TCF7L2: variants seen among roughly 807,000 people sequenced by gnomAD.
TCF7L2 encodes transcription factor 7-like 2.
A neutral mutation model predicts 77.9 loss-of-function variants in TCF7L2; 23 were observed. The ratio of observed to expected loss-of-function variants is 0.30; its 90% CI spans 0.21 to 0.42. TCF7L2 has a LOEUF of 0.42. TCF7L2 is among the 10% of genes least tolerant of loss of function. The probability of loss-of-function intolerance (pLI) is 1.00; values close to 1 mark genes in which losing one functional copy is unlikely to be tolerated. For synonymous variants in TCF7L2, 413 were observed against 340.2 expected (o/e 1.21, Z -2.36); for missense variants, 654 against 793.1 (o/e 0.82, Z 2.11).
At chr10:113,053,204 G>C (rs2134623689) in intron 5 of TCF7L2, among the ~76,000 whole-genome samples, 1 of 152,310 alleles carries the variant, frequency 6.6e-6, no homozygotes, top group Non-Finnish European at 1.5e-5. Flanking sequence ...AGTGGGTAGA[G>C]AGGACATTTG....
chr10:113,122,354 G>T (rs1026247777), intron 5 of TCF7L2, among the ~76,000 whole-genome samples: 2 of 152,178 alleles, frequency 1.3e-5, no homozygotes, highest in African/African-American at 2.4e-5. Context: ...GAAGGAATTT[G>T]TAAAATTAAT....
At chr10:112,974,297 A>G (rs1450786058) in intron 4 of TCF7L2, among the ~76,000 whole-genome samples, 4 of 152,192 alleles carry the variant, frequency 2.6e-5, no homozygotes, top group Non-Finnish European at 5.9e-5. Context: ...GCTGGTGAGG[A>G]TACCAAGACA....
chr10:113,156,702 C>T (rs553926772), intron 11 of TCF7L2, among the ~76,000 whole-genome samples: 10 of 152,328 alleles, frequency 6.6e-5, no homozygotes, highest in Admixed American at 1.3e-4. Flanking sequence ...ATGAAAGACT[C>T]CATGCAGTTC....
intron 3 of TCF7L2, among the ~76,000 whole-genome samples, chr10:112,953,905 C>A (rs2032756976): frequency 6.6e-6 from 1 of 152,224 alleles, no homozygotes; most frequent in South Asian, 2.1e-4. Context: ...TTAGTACTTA[C>A]ATGTCAAACA....
At chr10:112,964,812 T>TGGTGGTGGTGGTGGTG (rs1564719427) in intron 4 of TCF7L2, among the ~76,000 whole-genome samples, 188 bp downstream of exon 4, 1 of 38,282 alleles carries the variant, frequency 2.6e-5, no homozygotes, top group African/African-American at 9.9e-5. Context: ...GTGGTGGTGG[T>TGGTGGTGGTGGTGGTG]GGGGGGGGGT....
At chr10:113,117,385 C>T (rs1318516876) in intron 5 of TCF7L2, among the ~76,000 whole-genome samples, 1 of 14,568 alleles carries the variant, frequency 6.9e-5, no homozygotes, top group East Asian at 6.6e-4. Context: ...CTCTCTCTCT[C>T]TCTCTCTCTC....
intron 4 of TCF7L2, chr10:112,987,930 T>TG (rs1295431701): frequency 1.4e-5 from 2 of 146,928 alleles, no homozygotes; most frequent in East Asian, 2.0e-4. Context: ...AATGCCTCAA[T>TG]GGGGGAAAAA....
intron 3 of TCF7L2, 50 bp downstream of exon 3, chr10:112,951,657 G>A (rs1161182981): frequency 2.2e-6 from 2 of 898,218 alleles, no homozygotes; most frequent in Non-Finnish European, 2.5e-6. Context: ...CGCCCGCGCC[G>A]CCCGCCGGGC....
At chr10:113,155,978 G>T (rs2071786086) in intron 11 of TCF7L2, among the ~76,000 whole-genome samples, 2 of 152,214 alleles carry the variant, frequency 1.3e-5, no homozygotes, top group African/African-American at 4.8e-5. Context: ...AGTTGCACAG[G>T]CCCCTTCCCC....
chr10:112,998,238 C>T (rs868407312), intron 4 of TCF7L2, among the ~76,000 whole-genome samples: 3 of 152,086 alleles, frequency 2.0e-5, no homozygotes, highest in Admixed American at 6.5e-5. Context: ...CGAGTTTAGC[C>T]CAGGTTCTGT....
At chr10:112,963,192 T>C (rs1490585804) in intron 3 of TCF7L2, among the ~76,000 whole-genome samples, 1 of 152,204 alleles carries the variant, frequency 6.6e-6, no homozygotes, top group African/African-American at 2.4e-5. Context: ...ATTTATAGAC[T>C]TAGCCCATGA....
intron 4 of TCF7L2, among the ~76,000 whole-genome samples, chr10:113,034,962 C>G (rs922168148): frequency 6.6e-6 from 1 of 152,032 alleles, no homozygotes; most frequent in African/African-American, 2.4e-5. Context: ...CCTCTCCCCT[C>G]CCCTCCTTCC....
chr10:112,991,325 C>T (rs1220161555), intron 4 of TCF7L2, among the ~76,000 whole-genome samples: 1 of 151,778 alleles, frequency 6.6e-6, no homozygotes, highest in Non-Finnish European at 1.5e-5. Flanking sequence ...GTCAGGAGAT[C>T]GAAACCATCC....
intron 5 of TCF7L2, among the ~76,000 whole-genome samples, chr10:113,110,396 T>A (rs1262038131): frequency 6.8e-6 from 1 of 147,044 alleles, no homozygotes; most frequent in Non-Finnish European, 1.5e-5. Flanking sequence ...TTTTTACGAA[T>A]TTTTTTCCTA....
intron 5 of TCF7L2, among the ~76,000 whole-genome samples, chr10:113,099,380 C>T (rs2061386216): frequency 1.3e-5 from 2 of 152,140 alleles, no homozygotes; most frequent in Non-Finnish European, 1.5e-5. Flanking sequence ...ACTTGGTCCC[C>T]CCAGGCTGTC....
At position 113,129,254 on chromosome 10, in the gene TCF7L2, G is replaced by A. The variant is rs1392973518; in HGVS notation, c.553-11930G>A. The A allele has an allele frequency of 4.2e-6, 4 of 962,932 alleles. No homozygotes were observed. The East Asian group carries it at 3.5e-4, about 83-fold the overall frequency. 59.6% of individuals were successfully genotyped at this position (962,932 alleles called of 1,614,324 possible). ...CTCTCCCTAAGAAATTTGTTTTGAGGGATTTGACAATCTTGCAGATAAAGT... is the reference window on the plus strand; with the variant it reads ...CTCTCCCTAAGAAATTTGTTTTGAGAGATTTGACAATCTTGCAGATAAAGT... On this transcript the variant is annotated intron_variant, in intron 5 of 13. Transcript: ENST00000627217.
At chr10:112,971,517 C>T (rs2038233125) in intron 4 of TCF7L2, among the ~76,000 whole-genome samples, 2 of 151,948 alleles carry the variant, frequency 1.3e-5, no homozygotes, top group African/African-American at 4.8e-5. Context: ...ACCATGTTGG[C>T]CAGGCTGGTC....
chr10:113,121,238 G>C (rs1357017601), intron 5 of TCF7L2, among the ~76,000 whole-genome samples: 1 of 152,168 alleles, frequency 6.6e-6, no homozygotes, highest in African/African-American at 2.4e-5. Flanking sequence ...AATGGAGAGA[G>C]CCTTGCCCCT....
intron 4 of TCF7L2, among the ~76,000 whole-genome samples, chr10:113,022,842 C>T (rs1283259393): frequency 6.6e-6 from 1 of 152,146 alleles, no homozygotes; most frequent in Non-Finnish European, 1.5e-5. Flanking sequence ...TTCATTTGCC[C>T]AAGCTCACCC....
Sources: allele counts gnomAD v4.1 joint callset (sites outside exome capture counted in the v4.1 genomes callset), GRCh38; gene constraint gnomAD v4.1.1; transcripts MANE v1.5; gene names NCBI Gene and HGNC (gene_info 2026-07-23, HGNC 2026-07-21).